Variants in TMEM232 observed in about 807,000 individuals in gnomAD.
TMEM232 encodes transmembrane protein 232.
In TMEM232, 80 loss-of-function variants were observed where a neutral mutation model predicts 78.8. That is an observed-to-expected ratio of 1.01 (90% CI 0.85 to 1.22). The LOEUF (loss-of-function observed/expected upper bound fraction) is 1.22, where lower values mean the gene tolerates loss of function less well. Ranked by LOEUF, TMEM232 falls within the 50% of genes most tolerant of loss-of-function variation. The pLI is 0.00. For synonymous variants in TMEM232, 297 were observed against 254.3 expected (o/e 1.17, Z -1.60); for missense variants, 881 against 742.2 (o/e 1.19, Z -2.17).
intron 12 of TMEM232, among the ~76,000 whole-genome samples, chr5:110,432,952 T>C (rs1758023612): frequency 1.3e-5 from 2 of 151,804 alleles, no homozygotes; most frequent in South Asian, 4.1e-4. Flanking sequence ...TAACTATATA[T>C]GCACTCAATA....
chr5:110,559,071 C>A (rs946599752), intron 11 of TMEM232, among the ~76,000 whole-genome samples: 1 of 152,148 alleles, frequency 6.6e-6, no homozygotes, highest in African/African-American at 2.4e-5. Context: ...GAAAGAAGGT[C>A]TTCCTAGCTA....
chr5:110,698,807 C>T (rs1203302112), intron 1 of TMEM232, among the ~76,000 whole-genome samples: 1 of 152,102 alleles, frequency 6.6e-6, no homozygotes, highest in African/African-American at 2.4e-5. Flanking sequence ...AGCATTGCTG[C>T]AGTTAAAATG....
chr5:110,453,558 T>C (rs377051196), intron 12 of TMEM232, among the ~76,000 whole-genome samples: 8 of 152,260 alleles, frequency 5.3e-5, no homozygotes, highest in African/African-American at 1.9e-4. Context: ...GCCTCTGCCA[T>C]GCAAAGTGCT....
chr5:110,676,500 G>C (rs1792042712), intron 1 of TMEM232, among the ~76,000 whole-genome samples: 1 of 151,598 alleles, frequency 6.6e-6, no homozygotes, highest in Admixed American at 6.6e-5. Context: ...CCGCCTCCTG[G>C]GCTTAAGCGA....
At chr5:110,524,003 G>A (rs1769986433) in intron 12 of TMEM232, among the ~76,000 whole-genome samples, 1 of 143,914 alleles carries the variant, frequency 6.9e-6, no homozygotes, top group Admixed American at 6.9e-5. Flanking sequence ...GGTGGCTCAC[G>A]CCTGTAATCC....
chr5:110,686,637 T>C (rs1286833506), intron 1 of TMEM232, among the ~76,000 whole-genome samples: 7 of 152,172 alleles, frequency 4.6e-5, no homozygotes, highest in Non-Finnish European at 7.3e-5. Context: ...TATGAACACT[T>C]GTACATTTCA....
chr5:110,389,328 T>C (rs1755096461), intron 4 of TMEM232, among the ~76,000 whole-genome samples: 2 of 152,008 alleles, frequency 1.3e-5, no homozygotes, highest in South Asian at 2.1e-4. Flanking sequence ...GTATTTACCA[T>C]TGGAAACATT....
intron 12 of TMEM232, among the ~76,000 whole-genome samples, chr5:110,496,287 A>G (rs1216989249): frequency 6.6e-6 from 1 of 151,998 alleles, no homozygotes; most frequent in Non-Finnish European, 1.5e-5. Context: ...TTATTTCATA[A>G]AAACAAGTGT....
chr5:110,497,822 G>A (rs985824560), intron 12 of TMEM232, among the ~76,000 whole-genome samples: 1 of 152,054 alleles, frequency 6.6e-6, no homozygotes, highest in Non-Finnish European at 1.5e-5. Flanking sequence ...TGAAGGGAAT[G>A]AGAACAAATT....
chr5:110,734,200 A>T (rs901748992), intron 2 of TMEM232, among the ~76,000 whole-genome samples: 1 of 152,240 alleles, frequency 6.6e-6, no homozygotes, highest in Admixed American at 6.5e-5. Context: ...CAGGTTGGCT[A>T]GATTTTGGTG....
At chr5:110,554,493 G>C (rs1210948240) in intron 11 of TMEM232, among the ~76,000 whole-genome samples, 4 of 152,104 alleles carry the variant, frequency 2.6e-5, no homozygotes, top group African/African-American at 9.7e-5. Flanking sequence ...TTTCCCTCTA[G>C]AGAACCCTCA....
At chr5:110,541,016 G>A (rs1230380468) in intron 11 of TMEM232, among the ~76,000 whole-genome samples, 2 of 152,132 alleles carry the variant, frequency 1.3e-5, no homozygotes, top group African/African-American at 2.4e-5. Flanking sequence ...AACCTTCAGG[G>A]TGCAATCCCA....
intron 1 of TMEM232, among the ~76,000 whole-genome samples, chr5:110,682,541 T>C (rs545429596): frequency 2.5e-4 from 38 of 152,282 alleles, no homozygotes; most frequent in African/African-American, 8.7e-4. Flanking sequence ...TAAATTCTGA[T>C]AATTTAAATA....
At chr5:110,457,105 T>C (rs1488370824) in intron 12 of TMEM232, among the ~76,000 whole-genome samples, 6 of 151,984 alleles carry the variant, frequency 3.9e-5, no homozygotes, top group Admixed American at 2.0e-4. Context: ...ATAAGAATAT[T>C]TACAAAACAA....
chr5:110,547,998 C>CAAAAAAAAAAAAAAAAA (rs938444289), intron 11 of TMEM232, among the ~76,000 whole-genome samples: 1 of 48,658 alleles, frequency 2.1e-5, no homozygotes, highest in Non-Finnish European at 4.4e-5. Flanking sequence ...ACTCCATCTC[C>CAAAAAAAAAAAAAAAAA]AAAAAAAAAA....
intron 12 of TMEM232, among the ~76,000 whole-genome samples, chr5:110,518,733 A>T (rs10044085): frequency 6.6e-6 from 1 of 152,202 alleles, no homozygotes; most frequent in Non-Finnish European, 1.5e-5. Flanking sequence ...CAGCTGCAAT[A>T]AAGTTTGCCT....
At chr5:110,436,185 G>A (rs184976779) in intron 12 of TMEM232, among the ~76,000 whole-genome samples, 1 of 151,962 alleles carries the variant, frequency 6.6e-6, no homozygotes, top group African/African-American at 2.4e-5. Context: ...TTGTAGTTTT[G>A]ATTTGCATTT....
chr5:110,701,992 T>C (rs1795480740), intron 1 of TMEM232, among the ~76,000 whole-genome samples: 1 of 151,968 alleles, frequency 6.6e-6, no homozygotes, highest in Non-Finnish European at 1.5e-5. Flanking sequence ...GTAACTAGAA[T>C]TCTTGTATAC....
At chr5:110,607,439 T>G (rs1301524288) in intron 8 of TMEM232, among the ~76,000 whole-genome samples, 1 of 152,018 alleles carries the variant, frequency 6.6e-6, no homozygotes, top group East Asian at 1.9e-4. Flanking sequence ...TACCTAATAC[T>G]ATTTGTCTCC....
Sources: allele counts gnomAD v4.1 joint callset (sites outside exome capture counted in the v4.1 genomes callset), GRCh38; gene constraint gnomAD v4.1.1; transcripts MANE v1.5; gene names NCBI Gene and HGNC (gene_info 2026-07-23, HGNC 2026-07-21).